The following RERE variants were observed in gnomAD, a reference collection of about 807,000 sequenced individuals.
RERE encodes arginine-glutamic acid dipeptide repeats protein.
Under a neutral mutation model 146.1 loss-of-function variants are expected in RERE, and 40 were observed. That is an observed-to-expected ratio of 0.27 (90% CI 0.21 to 0.36). The LOEUF (loss-of-function observed/expected upper bound fraction) is 0.36. RERE is among the 10% of genes least tolerant of loss of function. RERE has a pLI of 1.00. For synonymous variants in RERE, 1,003 were observed against 866.0 expected, an observed-to-expected ratio of 1.16 and a Z score of -2.78; for missense variants, 1,933 against 2,138.7, an observed-to-expected ratio of 0.90 and a Z score of 1.90.
intron 12 of RERE, among the ~76,000 whole-genome samples, chr1:8,370,096 T>C (rs1360065247): frequency 3.3e-5 from 5 of 151,908 alleles, no homozygotes; most frequent in Non-Finnish European, 5.9e-5. Context: ...AGCCAGAAAC[T>C]ATTCTTAACA....
At chr1:8,396,372 C>T (rs1386431391) in intron 12 of RERE, among the ~76,000 whole-genome samples, 1 of 152,118 alleles carries the variant, frequency 6.6e-6, no homozygotes, top group Non-Finnish European at 1.5e-5. Flanking sequence ...AAAGTACCTG[C>T]CCTCCTGGAA....
intron 1 of RERE, among the ~76,000 whole-genome samples, chr1:8,760,222 T>G (rs1473951370): frequency 2.0e-5 from 3 of 152,190 alleles, no homozygotes; most frequent in Non-Finnish European, 4.4e-5. Flanking sequence ...AGACGGGGTT[T>G]CATCATGTTG....
chr1:8,460,943 G>T (rs1292082165), intron 11 of RERE, among the ~76,000 whole-genome samples: 2 of 152,146 alleles, frequency 1.3e-5, no homozygotes, highest in African/African-American at 2.4e-5. Context: ...AGCATCCCCA[G>T]TATTTCCATA....
chr1:8,642,129 G>A (rs1240446231), intron 2 of RERE, among the ~76,000 whole-genome samples: 1 of 152,190 alleles, frequency 6.6e-6, no homozygotes, highest in East Asian at 1.9e-4. Context: ...AACTGGCCTT[G>A]TAACCCCAAT....
At chr1:8,433,535 G>A (rs1221123640) in intron 11 of RERE, among the ~76,000 whole-genome samples, 1 of 150,294 alleles carries the variant, frequency 6.7e-6, no homozygotes, top group Admixed American at 6.6e-5. Flanking sequence ...AGCCCTCTGA[G>A]TAACAGTCCA....
chr1:8,501,183 A>G (rs1227035688), intron 8 of RERE, among the ~76,000 whole-genome samples: 2 of 142,946 alleles, frequency 1.4e-5, no homozygotes, highest in Non-Finnish European at 3.1e-5. Flanking sequence ...CTGCCCGGCC[A>G]GCCGCCCCGT....
intron 1 of RERE, among the ~76,000 whole-genome samples, chr1:8,776,038 T>G (rs1157840381): frequency 6.6e-6 from 1 of 152,192 alleles, no homozygotes; most frequent in Non-Finnish European, 1.5e-5. Flanking sequence ...GAGAAATCTT[T>G]CCACTGAAAA....
chr1:8,542,995 C>A (rs1241606264), intron 6 of RERE, among the ~76,000 whole-genome samples: 1 of 152,118 alleles, frequency 6.6e-6, no homozygotes, highest in Non-Finnish European at 1.5e-5. Context: ...TTGATCTTAA[C>A]AAATAAATTA....
chr1:8,750,898 T>C, intron 1 of RERE: 2 of 832,770 alleles, frequency 2.4e-6, no homozygotes, highest in South Asian at 1.4e-5. Flanking sequence ...TCTACAAGCA[T>C]AGTTATGGCA....
intron 1 of RERE, among the ~76,000 whole-genome samples, chr1:8,673,907 C>A (rs1638777125): frequency 6.6e-6 from 1 of 152,080 alleles, no homozygotes; most frequent in African/African-American, 2.4e-5. Context: ...GTGGCAAAGG[C>A]TTATAATCCC....
At chr1:8,804,414 A>T (rs1263200247) in intron 1 of RERE, among the ~76,000 whole-genome samples, 1 of 152,228 alleles carries the variant, frequency 6.6e-6, no homozygotes, top group Non-Finnish European at 1.5e-5. Flanking sequence ...TCAAATTATC[A>T]AATGTGTTAA....
chr1:8,543,046 A>G (rs1316960027), intron 6 of RERE, among the ~76,000 whole-genome samples: 1 of 152,202 alleles, frequency 6.6e-6, no homozygotes, highest in African/African-American at 2.4e-5. Flanking sequence ...TATGGCTACT[A>G]GCTACCATAG....
chr1:8,371,240 G>C (rs1276480895), intron 12 of RERE, among the ~76,000 whole-genome samples: 3 of 152,118 alleles, frequency 2.0e-5, no homozygotes, highest in Admixed American at 6.5e-5. Context: ...CGGTGGGGGG[G>C]CTAAATTTTT....
At position 8,495,983 on chromosome 1, in the gene RERE, C is replaced by T. The variant is rs11121189; in HGVS notation, c.1005-821G>A. Among the ~76,000 whole-genome samples, 499 of 151,852 alleles carry T rather than the reference C, an allele frequency of 3.3e-3. 3 individuals carry two copies. Among genetic ancestry groups the T allele is most frequent in the African/African-American group, 0.011 (443 of 41,416 alleles). On this transcript the variant is annotated intron_variant, in intron 9 of 22. Transcript: ENST00000400908. ...TGAGGCCAGAGAGTTCAAAATCAGC[C>T]CTGACAACATAGAGAGAGAAAAAAA...
chr1:8,801,346 C>T (rs1400793522), intron 1 of RERE, among the ~76,000 whole-genome samples: 5 of 152,118 alleles, frequency 3.3e-5, no homozygotes, highest in Admixed American at 6.5e-5. Flanking sequence ...CTCGGATCAC[C>T]GGAACCTCCA....
At chr1:8,732,808 CTTTTTTTTTTTTTT>C (rs59337140) in intron 1 of RERE, among the ~76,000 whole-genome samples, 1 of 65,696 alleles carries the variant, frequency 1.5e-5, no homozygotes, top group African/African-American at 5.5e-5. Flanking sequence ...TTCAATTTTT[CTTTTTTTTTTTTTT>C]TTTTTTTTTT....
chr1:8,594,787 T>C (rs1646535737), intron 4 of RERE, among the ~76,000 whole-genome samples: 1 of 152,174 alleles, frequency 6.6e-6, no homozygotes, highest in African/African-American at 2.4e-5. Context: ...AACCATTCTT[T>C]TGATGGTAAA....
intron 4 of RERE, among the ~76,000 whole-genome samples, chr1:8,584,600 G>C (rs1646404856): frequency 6.6e-6 from 1 of 152,092 alleles, no homozygotes; most frequent in Non-Finnish European, 1.5e-5. Context: ...AATGACTACA[G>C]AGACAGCTAC....
At chr1:8,448,524 C>T (rs1038322184) in intron 11 of RERE, among the ~76,000 whole-genome samples, 10 of 152,062 alleles carry the variant, frequency 6.6e-5, no homozygotes, top group East Asian at 3.9e-4. Flanking sequence ...TTTGGGAGGC[C>T]GAGGCGGGTG....
Sources: allele counts gnomAD v4.1 joint callset (sites outside exome capture counted in the v4.1 genomes callset), GRCh38; gene constraint gnomAD v4.1.1; transcripts MANE v1.5; gene names NCBI Gene and HGNC (gene_info 2026-07-23, HGNC 2026-07-21).